The following DGKG variants were observed in gnomAD, a reference collection of about 807,000 sequenced individuals.
DGKG encodes DAG kinase gamma.
Under a neutral mutation model 105.3 loss-of-function variants are expected in DGKG, and 78 were observed. The ratio of observed to expected loss-of-function variants is 0.74; its 90% confidence interval spans 0.62 to 0.89. DGKG has a LOEUF of 0.89. Among genes scored for constraint, DGKG ranks in the 40% least tolerant of loss-of-function variants. The pLI, the probability that DGKG is intolerant of heterozygous loss-of-function variation, is 0.00. For synonymous variants in DGKG, 346 were observed against 367.1 expected, an observed-to-expected ratio of 0.94 and a Z score of 0.66; for missense variants, 958 against 1,020.1, an observed-to-expected ratio of 0.94 and a Z score of 0.83.
intron 21 of DGKG, among the ~76,000 whole-genome samples, chr3:186,209,093 C>CTTTTTTTTTTTTTTTTTT (rs34226259): frequency 3.5e-4 from 31 of 89,794 alleles, no homozygotes; most frequent in African/African-American, 1.5e-3. Flanking sequence ...GTTTACTCTT[C>CTTTTTTTTTTTTTTTTTT]TTTTTTTTTT....
At chr3:186,168,833 G>C (rs1716682179) in intron 22 of DGKG, among the ~76,000 whole-genome samples, 1 of 152,158 alleles carries the variant, frequency 6.6e-6, no homozygotes, top group African/African-American at 2.4e-5. Flanking sequence ...CTGGGTGACA[G>C]AGTGAGACTC....
At chr3:186,351,428 C>T (rs987694324) in intron 1 of DGKG, among the ~76,000 whole-genome samples, 1 of 152,110 alleles carries the variant, frequency 6.6e-6, no homozygotes, top group African/African-American at 2.4e-5. Context: ...GGTTCGAGGC[C>T]CCCTTCCCAC....
intron 22 of DGKG, among the ~76,000 whole-genome samples, chr3:186,175,007 G>T (rs1212682529): frequency 1.3e-5 from 2 of 152,180 alleles, no homozygotes; most frequent in Non-Finnish European, 2.9e-5. Context: ...AGGAGGAGAG[G>T]CCTGCAGAGC....
At chr3:186,202,911 T>C (rs981317233) in intron 21 of DGKG, among the ~76,000 whole-genome samples, 2 of 152,078 alleles carry the variant, frequency 1.3e-5, no homozygotes, top group Non-Finnish European at 2.9e-5. Flanking sequence ...AGACACAAAG[T>C]AGATAGAGCC....
At chr3:186,344,793 A>G (rs1295733879) in intron 1 of DGKG, among the ~76,000 whole-genome samples, 1 of 152,246 alleles carries the variant, frequency 6.6e-6, no homozygotes, top group Non-Finnish European at 1.5e-5. Context: ...AACAGAAACT[A>G]TGACTTTTAC....
In DGKG at chr3:186,284,186, GCACATCAGCAGTGA is replaced by G. The variant is rs1351430635; in HGVS notation, c.594+460_594+473del. 1.6e-4 allele frequency among the ~76,000 whole-genome samples: 25 copies of G among 152,142 alleles called. No individual in the cohort carries two copies. The highest frequency in any genetic ancestry group is 5.3e-4 in the African/African-American group (22 of 41,432). ...AGAGGCAGCCAAGGGTGACGGCAAA[GCACATCAGCAGTGA>G]CCAGCAGCCTCCTTCCTCTGAAATC... On this transcript the variant is annotated intron_variant, in intron 7 of 24. Transcript: ENST00000265022. The surrounding 1 kb of genome is among the most constrained non-coding windows in gnomAD (Gnocchi z 4.0).
intron 17 of DGKG, among the ~76,000 whole-genome samples, chr3:186,255,858 C>T (rs1002405835): frequency 2.6e-5 from 4 of 152,154 alleles, no homozygotes; most frequent in Admixed American, 1.3e-4. Context: ...TGAGAGTGAA[C>T]GGATGAATAT....
chr3:186,338,187 A>G (rs961243995), intron 1 of DGKG, among the ~76,000 whole-genome samples: 4 of 151,540 alleles, frequency 2.6e-5, no homozygotes, highest in Non-Finnish European at 4.4e-5. Flanking sequence ...AAAAAAAAAA[A>G]AGAAAGAAGG....
In DGKG at chr3:186,297,442, C is replaced by T. The variant is rs776905756; in HGVS notation, c.352G>A (p.Glu118Lys). Residue 118 changes from glutamate (E) to lysine (K), a missense_variant, in exon 5 of 25, where the codon GAG (glutamate) becomes AAG (lysine). Glu to Lys is a moderately conservative substitution (Grantham distance 56, BLOSUM62 1). This residue lies in a region of DGKG where 643 missense variants were observed against 619.5 expected (regional missense o/e 1.04). Coordinates refer to ENST00000265022, the MANE Select transcript of DGKG (RefSeq NM_001346.3). ...QNADNATKADEACAPDTESNM... is the reference protein window; with the variant it reads ...QNADNATKADKACAPDTESNM... ...TTACCAGTATCAGGGGCACAGGCCT[C>T]GTCTGCTTTGGTGGCATTATCTGCA... is the stretch of plus-strand genomic sequence containing the variant. 26 of 1,612,668 alleles carry T rather than the reference C, an allele frequency of 1.6e-5. No individual in the cohort carries two copies. Among genetic ancestry groups the T allele is most frequent in the South Asian group, 2.2e-5 (2 of 91,052 alleles).
intron 3 of DGKG, among the ~76,000 whole-genome samples, chr3:186,299,843 T>TCTCTTTCTTTCTTTC (rs1424972244): frequency 1.5e-5 from 2 of 130,168 alleles, no homozygotes; most frequent in African/African-American, 2.8e-5. Flanking sequence ...CTTTCTTTTT[T>TCTCTTTCTTTCTTTC]TTTTTTTTTG....
intron 5 of DGKG, among the ~76,000 whole-genome samples, chr3:186,296,473 T>G (rs1457291504): frequency 6.6e-6 from 1 of 152,220 alleles, no homozygotes; most frequent in Non-Finnish European, 1.5e-5. Flanking sequence ...TCACCTCTCA[T>G]TTTTGTAGGA....
At chr3:186,202,599 A>C (rs981648829) in intron 21 of DGKG, among the ~76,000 whole-genome samples, 1 of 152,234 alleles carries the variant, frequency 6.6e-6, no homozygotes, top group Non-Finnish European at 1.5e-5. Flanking sequence ...ATTACTTAAA[A>C]GATGCATTTG....
intron 20 of DGKG, among the ~76,000 whole-genome samples, chr3:186,224,135 C>T (rs1294322095): frequency 6.6e-6 from 1 of 152,210 alleles, no homozygotes; most frequent in Non-Finnish European, 1.5e-5. Context: ...ACTTAAATCT[C>T]ATTTTAAAGC....
intron 2 of DGKG, among the ~76,000 whole-genome samples, chr3:186,318,721 T>C (rs1724934380): frequency 6.6e-6 from 1 of 152,158 alleles, no homozygotes; most frequent in South Asian, 2.1e-4. Context: ...AGCCCTGGGA[T>C]GGATCCCTTC....
intron 9 of DGKG, among the ~76,000 whole-genome samples, chr3:186,276,100 T>G (rs1722576451): frequency 6.6e-6 from 1 of 152,216 alleles, no homozygotes; most frequent in Non-Finnish European, 1.5e-5. Flanking sequence ...AAAAGGCAGA[T>G]GAGCCTTTTT....
chr3:186,172,523 T>C (rs970437203), intron 22 of DGKG, among the ~76,000 whole-genome samples: 4 of 152,252 alleles, frequency 2.6e-5, no homozygotes, highest in African/African-American at 4.8e-5. Flanking sequence ...CCTGTCTGTT[T>C]ACCTGGGTTA....
intron 10 of DGKG, among the ~76,000 whole-genome samples, chr3:186,273,563 C>T (rs985854260): frequency 4.0e-5 from 6 of 151,502 alleles, no homozygotes; most frequent in East Asian, 1.9e-4. Flanking sequence ...TTAGTAGGGA[C>T]GGGGTTTCAC....
intron 8 of DGKG, among the ~76,000 whole-genome samples, chr3:186,280,430 C>T (rs965489976): frequency 5.3e-5 from 8 of 152,208 alleles, no homozygotes; most frequent in African/African-American, 1.7e-4. Flanking sequence ...TCTGCTATAA[C>T]ATTTTAGTTC....
At chr3:186,349,286 C>T (rs1228826100) in intron 1 of DGKG, among the ~76,000 whole-genome samples, 1 of 151,880 alleles carries the variant, frequency 6.6e-6, no homozygotes, top group Non-Finnish European at 1.5e-5. Flanking sequence ...CCTCCGTTTT[C>T]CCCTCATTAT....
Sources: allele counts gnomAD v4.1 joint callset (sites outside exome capture counted in the v4.1 genomes callset), GRCh38; gene constraint gnomAD v4.1.1; regional missense constraint gnomAD v4.1.1; non-coding constraint Gnocchi (gnomAD v3.1); transcripts MANE v1.5; gene names NCBI Gene and HGNC (gene_info 2026-07-23, HGNC 2026-07-21).